Variants in IL2RA observed in about 807,000 individuals in gnomAD.
The protein encoded by IL2RA is interleukin-2 receptor subunit alpha.
Under a neutral mutation model 37.8 loss-of-function variants are expected in IL2RA, and 24 were observed. The observed-to-expected ratio is 0.63, with a 90% confidence interval of 0.46 to 0.89. The LOEUF is 0.89. Among genes scored for constraint, IL2RA ranks in the 40% least tolerant of loss-of-function variants. IL2RA has a pLI of 0.00. For synonymous variants in IL2RA, 125 were observed against 114.6 expected (o/e 1.09, Z -0.58); for missense variants, 319 against 348.6 (o/e 0.92, Z 0.68).
rs1407840061 is a variant in IL2RA, at chr10:6,014,926, G to A, written c.795-2030C>T. Among the ~76,000 whole-genome samples the A allele has an allele frequency of 6.6e-6, 1 of 152,138 alleles. No homozygotes were observed. Among genetic ancestry groups the A allele is most frequent in the African/African-American group, 2.4e-5 (1 of 41,432 alleles). Reference sequence around the variant, plus strand: ...TCTCTCTGGCTGGGCTAAGGGCTTTGGTTTTGGGGGAGTGGATCTGTATTT... The same window carrying A: ...TCTCTCTGGCTGGGCTAAGGGCTTTAGTTTTGGGGGAGTGGATCTGTATTT... On this transcript the variant is annotated intron_variant, in intron 7 of 7. Transcript: ENST00000379959. The surrounding 1 kb of genome is among the most constrained non-coding windows in gnomAD (Gnocchi z 4.4).
At chr10:6,030,358 T>G (rs1039351165) in intron 1 of IL2RA, among the ~76,000 whole-genome samples, 4 of 152,118 alleles carry the variant, frequency 2.6e-5, no homozygotes, top group Non-Finnish European at 5.9e-5. Flanking sequence ...GCTAAACTGC[T>G]GAAAACCAAA....
chr10:6,029,252 C>T lies in IL2RA; in HGVS notation c.65-3227G>A, dbSNP rs986760103. On this transcript the variant is annotated intron_variant, in intron 1 of 7. Transcript: ENST00000379959. The surrounding 1 kb of genome is among the most constrained non-coding windows in gnomAD (Gnocchi z 4.6). ...CAATCTTGACTCACTGCAACCTCTG[C>T]CCCCCGGGTTCAAGCGATTCTCCTG... 8.6e-5 allele frequency among the ~76,000 whole-genome samples: 13 copies of T among 150,900 alleles called. No individual in the cohort carries two copies. Among genetic ancestry groups the T allele is most frequent in the African/African-American group, 3.2e-4 (13 of 40,984 alleles).
chr10:6,013,035 G>A (rs1839215717), intron 7 of IL2RA, 139 bp from the exon 8 acceptor site: 2 of 803,416 alleles, frequency 2.5e-6, no homozygotes, highest in South Asian at 2.9e-5. Flanking sequence ...TTGCTATGTT[G>A]GCCAGGCTGG....
At position 6,028,550 on chromosome 10, in the gene IL2RA, G is replaced by A. The variant is rs1478490132; in HGVS notation, c.65-2525C>T. 6.6e-6 allele frequency among the ~76,000 whole-genome samples: 1 copy of A among 152,176 alleles called. No individual in the cohort carries two copies. The highest frequency in any genetic ancestry group is 1.5e-5 in the Non-Finnish European group (1 of 68,024). ...GCTAGTCATTTAACTGCCTGGCAGA[G>A]CAAAATGCATTACCTTTTAAAGGAC... is the stretch of plus-strand genomic sequence containing the variant. On this transcript the variant is annotated intron_variant, in intron 1 of 7. Coordinates refer to ENST00000379959, the MANE Select transcript of IL2RA (RefSeq NM_000417.3). This position sits in a 1 kb window ranked among gnomAD's most constrained non-coding sequence, Gnocchi z 4.1.
At chr10:6,062,044 C>G (rs1564556340) in intron 1 of IL2RA, 44 bp downstream of exon 1, 11 of 1,499,682 alleles carry the variant, frequency 7.3e-6, no homozygotes, top group Non-Finnish European at 9.3e-6. Context: ...AGAGGGATGC[C>G]CATCAGCCTT....
rs1257588702 is a variant in IL2RA at position 6,028,097 on chromosome 10, G to A, written c.65-2072C>T. ...TTTTGGAGGAGGGAAACACGTGAGA[G>A]GCGCCCACAGTTGCCCTGGCTTCCT... On this transcript the variant is annotated intron_variant, in intron 1 of 7. Coordinates refer to ENST00000379959, the MANE Select transcript of IL2RA (RefSeq NM_000417.3). This position sits in a 1 kb window ranked among gnomAD's most constrained non-coding sequence, Gnocchi z 4.1. Among the ~76,000 whole-genome samples, 1 of 152,142 alleles carries A rather than the reference G, an allele frequency of 6.6e-6. No homozygotes were observed. Among genetic ancestry groups the A allele is most frequent in the East Asian group, 1.9e-4 (1 of 5,190 alleles).
Position 6,021,439 on chromosome 10 carries a change from C to A in IL2RA, c.583+39G>T, listed in dbSNP as rs372762757. 6.4e-7 allele frequency: 1 copy of A among 1,559,952 alleles called. No homozygotes were observed. Among genetic ancestry groups the A allele is most frequent in the Non-Finnish European group, 8.8e-7 (1 of 1,132,204 alleles). On this transcript the variant is annotated intron_variant, in intron 4 of 7. Coordinates refer to ENST00000379959, the MANE Select transcript of IL2RA (RefSeq NM_000417.3). This position sits in a 1 kb window ranked among gnomAD's most constrained non-coding sequence, Gnocchi z 4.9. The stretch of plus-strand genomic sequence containing the variant: ...TTCCACTCTGGTCAGCCTGATGGAG[C>A]AAAGCAACATTGTGGACCCCAGAAG...
Position 6,021,460 on chromosome 10 carries a change from A to G in IL2RA, c.583+18T>C. 6.2e-7 allele frequency: 1 copy of G among 1,606,302 alleles called. No individual in the cohort carries two copies. Among genetic ancestry groups the G allele is most frequent in the South Asian group, 1.1e-5 (1 of 90,852 alleles). On this transcript the variant is annotated intron_variant, in intron 4 of 7. Coordinates refer to ENST00000379959, the MANE Select transcript of IL2RA (RefSeq NM_000417.3). This position sits in a 1 kb window ranked among gnomAD's most constrained non-coding sequence, Gnocchi z 4.9. ...GGAGCAAAGCAACATTGTGGACCCC[A>G]GAAGGGAGCCACCCTACCTGGAAAC...
intron 1 of IL2RA, among the ~76,000 whole-genome samples, chr10:6,031,946 G>C (rs183948545): frequency 5.9e-5 from 9 of 152,216 alleles, no homozygotes; most frequent in Non-Finnish European, 8.8e-5. Flanking sequence ...CTGATATTCA[G>C]GCTTTCTATA....
In IL2RA at chr10:6,021,832, T is replaced by A; in HGVS notation, c.368-139A>T. 1 of 737,078 alleles carries A rather than the reference T, an allele frequency of 1.4e-6. No homozygotes were observed. The highest frequency in any genetic ancestry group is 3.3e-4 in the Middle Eastern group (1 of 2,990). The allele number at this position is 737,078 out of a possible 1,614,324, so 45.7% of individuals were successfully genotyped here. ...CATCCTTTCATTCAACCAATATATG[T>A]TGAGAACGTCTGAGCGTGGGGAAGT... On this transcript the variant is annotated intron_variant, in intron 3 of 7. Transcript: ENST00000379959. This position sits in a 1 kb window ranked among gnomAD's most constrained non-coding sequence, Gnocchi z 4.9.
rs1839368915 is a variant in IL2RA, at chr10:6,020,632, A to G, written c.584-691T>C. ...CACTGCAACTCCACCTCCTGGGTTC[A>G]AGTGATTCTCCTGCCTCAGCCTCCC... On this transcript the variant is annotated intron_variant, in intron 4 of 7. Coordinates refer to ENST00000379959, the MANE Select transcript of IL2RA (RefSeq NM_000417.3). The surrounding 1 kb of genome is among the most constrained non-coding windows in gnomAD (Gnocchi z 5.6). Among the ~76,000 whole-genome samples the G allele has an allele frequency of 6.6e-6, 1 of 151,954 alleles. No individual in the cohort carries two copies. Among genetic ancestry groups the G allele is most frequent in the South Asian group, 2.1e-4 (1 of 4,816 alleles).
intron 5 of IL2RA, among the ~76,000 whole-genome samples, 163 bp from the exon 6 acceptor site, chr10:6,019,662 C>T (rs1040781458): frequency 6.6e-6 from 1 of 152,172 alleles, no homozygotes; most frequent in African/African-American, 2.4e-5. Flanking sequence ...GGGGACCGTG[C>T]TTGGTCCTGG....
intron 3 of IL2RA, among the ~76,000 whole-genome samples, chr10:6,023,393 T>C (rs1284925525): frequency 6.6e-6 from 1 of 152,206 alleles, no homozygotes; most frequent in Admixed American, 6.5e-5. Flanking sequence ...TGGAGTGCAG[T>C]GATGCAATCT....
chr10:6,057,938 C>T lies in IL2RA; in HGVS notation c.64+4150G>A, dbSNP rs1000904925. On this transcript the variant is annotated intron_variant, in intron 1 of 7. Transcript: ENST00000379959. This position sits in a 1 kb window ranked among gnomAD's most constrained non-coding sequence, Gnocchi z 4.8. ...GTCAGGAGTTCGAGACCAGCCTGGCCAACTTGGTGAAACCCCGTCTCTACT... is the reference window on the plus strand; with the variant it reads ...GTCAGGAGTTCGAGACCAGCCTGGCTAACTTGGTGAAACCCCGTCTCTACT... 6.6e-6 allele frequency among the ~76,000 whole-genome samples: 1 copy of T among 152,106 alleles called. No homozygotes were observed. The highest frequency in any genetic ancestry group is 1.5e-5 in the Non-Finnish European group (1 of 68,016).
intron 1 of IL2RA, among the ~76,000 whole-genome samples, chr10:6,049,967 T>C (rs188838821): frequency 2.6e-4 from 40 of 152,124 alleles, no homozygotes; most frequent in Non-Finnish European, 4.9e-4. Context: ...GAGGTTCCCT[T>C]TGAAGGACAG....
At chr10:6,037,198 T>C (rs1839701397) in intron 1 of IL2RA, among the ~76,000 whole-genome samples, 1 of 152,190 alleles carries the variant, frequency 6.6e-6, no homozygotes, top group South Asian at 2.1e-4. Context: ...CGTCATTGAC[T>C]GGAGGAAAGG....
intron 1 of IL2RA, among the ~76,000 whole-genome samples, chr10:6,059,876 T>G (rs1034946885): frequency 1.1e-4 from 16 of 152,178 alleles, no homozygotes; most frequent in Non-Finnish European, 1.5e-4. Context: ...TATATCTATG[T>G]TTTTCTCCTC....
At position 6,013,446 on chromosome 10, in the gene IL2RA, C is replaced by T. The variant is rs12722709; in HGVS notation, c.795-550G>A. ...TTGGACAATACGGTCTTAGCCTTTT[C>T]CCAGTTCTTATTTGGCTCATGGGAA... On this transcript the variant is annotated intron_variant, in intron 7 of 7. Coordinates refer to ENST00000379959, the MANE Select transcript of IL2RA (RefSeq NM_000417.3). 1.5e-3 allele frequency among the ~76,000 whole-genome samples: 236 copies of T among 152,268 alleles called. 1 individual carries two copies. Among genetic ancestry groups the T allele is most frequent in the African/African-American group, 5.5e-3 (229 of 41,548 alleles).
rs1202254013 is a variant in IL2RA, at chr10:6,011,535, A to G, written c.*1337T>C. 6.6e-6 allele frequency: 1 copy of G among 152,198 alleles called. No homozygotes were observed. The highest frequency in any genetic ancestry group is 1.5e-5 in the Non-Finnish European group (1 of 68,068). 9.4% of individuals were successfully genotyped at this position (152,198 alleles called of 1,614,324 possible). On this transcript the variant is annotated 3_prime_UTR_variant, in exon 8 of 8. Coordinates refer to ENST00000379959, the MANE Select transcript of IL2RA (RefSeq NM_000417.3). The surrounding 1 kb of genome is among the most constrained non-coding windows in gnomAD (Gnocchi z 5.2). ...TTGATAATGTTCAAGGACTGCTGGT[A>G]TGCTCATCTTGTCTTTTTTTCCTTA...
Sources: gnomAD v4.1 joint callset for allele counts (sites outside exome capture counted in the v4.1 genomes callset) on GRCh38, gnomAD v4.1.1 for gene constraint, Gnocchi (gnomAD v3.1) non-coding constraint, MANE v1.5 for transcripts, NCBI Gene and HGNC (gene_info 2026-07-23, HGNC 2026-07-21) for gene names.